Variants in PARM1 observed in about 807,000 individuals in gnomAD.
PARM1 encodes the protein WSC4, cell wall integrity and stress response component 4 homolog.
PARM1 carries 14 observed loss-of-function variants against 24.6 expected under a neutral mutation model. That is an observed-to-expected ratio of 0.57 (90% CI 0.38 to 0.89). The LOEUF (loss-of-function observed/expected upper bound fraction) is 0.89. Among genes scored for constraint, PARM1 ranks in the 40% least tolerant of loss-of-function variants. The probability of loss-of-function intolerance (pLI) is 0.00; values close to 1 mark genes in which losing one functional copy is unlikely to be tolerated. For synonymous variants in PARM1, 179 were observed against 156.6 expected (o/e 1.14, Z -1.07); for missense variants, 362 against 380.4 (o/e 0.95, Z 0.40).
chr4:75,048,994 C>T lies in PARM1; in HGVS notation c.*2747C>T, dbSNP rs985868761. 5.2e-5 allele frequency: 8 copies of T among 152,670 alleles called. No individual in the cohort carries two copies. The highest frequency in any genetic ancestry group is 2.1e-4 in the South Asian group (1 of 4,816). 9.5% of individuals were successfully genotyped at this position (152,670 alleles called of 1,614,324 possible). A position where few individuals can be genotyped will look rare whatever the true frequency, so the allele number is the denominator to read the frequency against. On this transcript the variant is annotated 3_prime_UTR_variant, in exon 4 of 4. Coordinates refer to ENST00000307428, the MANE Select transcript of PARM1 (RefSeq NM_015393.4). The stretch of plus-strand genomic sequence containing the variant: ...TATGCCGAAAATTGACGTCTTTGAC[C>T]TCAGGGAGAGCACCTGTCCAGGTCT...
At chr4:75,022,355 CTCT>C (rs1310957378) in intron 2 of PARM1, among the ~76,000 whole-genome samples, 2 of 152,150 alleles carry the variant, frequency 1.3e-5, no homozygotes, top group East Asian at 1.9e-4. Context: ...GAATTATTGT[CTCT>C]TCTTCTTATA....
intron 1 of PARM1, among the ~76,000 whole-genome samples, chr4:74,950,692 T>C (rs1389115253): frequency 1.3e-5 from 2 of 152,224 alleles, no homozygotes; most frequent in African/African-American, 2.4e-5. Context: ...TGAACTTAAT[T>C]GATTATAAAT....
At chr4:74,989,338 A>G (rs988272240) in intron 1 of PARM1, among the ~76,000 whole-genome samples, 1 of 152,162 alleles carries the variant, frequency 6.6e-6, no homozygotes, top group African/African-American at 2.4e-5. Flanking sequence ...CAAGATTCCC[A>G]TATCCCCTCC....
intron 1 of PARM1, among the ~76,000 whole-genome samples, chr4:75,003,167 A>C (rs535554579): frequency 6.6e-6 from 1 of 152,060 alleles, no homozygotes; most frequent in Admixed American, 6.5e-5. Flanking sequence ...CCATGGCCCC[A>C]CCCTGAGAAA....
At chr4:75,033,462 T>C (rs1723309632) in intron 2 of PARM1, among the ~76,000 whole-genome samples, 1 of 152,094 alleles carries the variant, frequency 6.6e-6, no homozygotes, top group Admixed American at 6.5e-5. Context: ...CTCTCAATAT[T>C]TCACAAGTAA....
intron 1 of PARM1, among the ~76,000 whole-genome samples, chr4:75,002,298 T>C (rs1335684829): frequency 2.0e-5 from 3 of 152,186 alleles, no homozygotes; most frequent in African/African-American, 7.2e-5. Context: ...AATTCTGATT[T>C]TTGCCAGGGG....
intron 1 of PARM1, among the ~76,000 whole-genome samples, chr4:74,973,549 G>T (rs923214445): frequency 6.7e-6 from 1 of 148,910 alleles, no homozygotes; most frequent in African/African-American, 2.5e-5. Flanking sequence ...TGGAGAGTCA[G>T]GTCTCCTCAT....
chr4:75,031,661 T>C (rs59720023), intron 2 of PARM1, among the ~76,000 whole-genome samples: 1 of 152,158 alleles, frequency 6.6e-6, no homozygotes, highest in Non-Finnish European at 1.5e-5. Flanking sequence ...GAAGAATCTT[T>C]GAAAAAAGGC....
At chr4:75,002,542 G>A (rs1722701682) in intron 1 of PARM1, among the ~76,000 whole-genome samples, 1 of 152,088 alleles carries the variant, frequency 6.6e-6, no homozygotes, top group Non-Finnish European at 1.5e-5. Context: ...CAGTGTGTGT[G>A]ACCTGCAGGC....
intron 1 of PARM1, among the ~76,000 whole-genome samples, chr4:74,964,253 G>A (rs569297920): frequency 9.9e-4 from 151 of 152,240 alleles, no homozygotes; most frequent in African/African-American, 3.1e-3. Context: ...CCTCCTGAGC[G>A]CTTACCAGTG....
intron 1 of PARM1, among the ~76,000 whole-genome samples, chr4:74,957,606 G>T (rs902986882): frequency 1.3e-5 from 2 of 152,204 alleles, no homozygotes; most frequent in East Asian, 3.8e-4. Flanking sequence ...GAAGCAAACA[G>T]ATGATTCAAT....
chr4:74,959,629 A>C (rs1721723411), intron 1 of PARM1, among the ~76,000 whole-genome samples: 1 of 152,196 alleles, frequency 6.6e-6, no homozygotes, highest in South Asian at 2.1e-4. Context: ...TTTAGTACAA[A>C]ATTCTCAGCA....
intron 1 of PARM1, among the ~76,000 whole-genome samples, chr4:75,008,207 C>T (rs1010248148): frequency 6.6e-6 from 1 of 152,188 alleles, no homozygotes; most frequent in Non-Finnish European, 1.5e-5. Flanking sequence ...CCAACATTGT[C>T]ATACAATTTC....
At chr4:74,975,329 C>T (rs987261934) in intron 1 of PARM1, among the ~76,000 whole-genome samples, 5 of 152,116 alleles carry the variant, frequency 3.3e-5, no homozygotes, top group Admixed American at 6.5e-5. Flanking sequence ...TGTTAGAGTG[C>T]GGTATTATGT....
chr4:74,986,748 G>A (rs544705768), intron 1 of PARM1, among the ~76,000 whole-genome samples: 1 of 151,924 alleles, frequency 6.6e-6, no homozygotes, highest in South Asian at 2.1e-4. Context: ...AAATTTCAAT[G>A]GAAAAAAATG....
chr4:74,987,393 C>T (rs1722378034), intron 1 of PARM1, among the ~76,000 whole-genome samples: 1 of 151,994 alleles, frequency 6.6e-6, no homozygotes, highest in East Asian at 1.9e-4. Flanking sequence ...TCAATATAGA[C>T]ATTAATAGTT....
intron 1 of PARM1, among the ~76,000 whole-genome samples, chr4:74,980,249 A>G (rs1400889623): frequency 6.6e-6 from 1 of 152,228 alleles, no homozygotes; most frequent in African/African-American, 2.4e-5. Flanking sequence ...TCTTAAGCTG[A>G]TAAGCAACTT....
intron 1 of PARM1, among the ~76,000 whole-genome samples, chr4:74,986,542 T>C (rs1041656199): frequency 2.6e-5 from 4 of 152,148 alleles, no homozygotes; most frequent in African/African-American, 9.7e-5. Flanking sequence ...ATTGTGCATA[T>C]GTGTCTATGT....
At chr4:74,939,361 T>C (rs566113382) in intron 1 of PARM1, among the ~76,000 whole-genome samples, 1 of 152,312 alleles carries the variant, frequency 6.6e-6, no homozygotes, top group African/African-American at 2.4e-5. Context: ...TGATTATATA[T>C]CCATTAACTG....
Sources: gnomAD v4.1 joint callset for allele counts (sites outside exome capture counted in the v4.1 genomes callset) on GRCh38, gnomAD v4.1.1 for gene constraint, MANE v1.5 for transcripts, NCBI Gene and HGNC (gene_info 2026-07-23, HGNC 2026-07-21) for gene names.